The following ARHGAP5 variants were observed in gnomAD, a reference collection of about 807,000 sequenced individuals.
ARHGAP5 encodes Rho GTPase activating protein 5.
Under a neutral mutation model 116.6 loss-of-function variants are expected in ARHGAP5, and 23 were observed. The ratio of observed to expected loss-of-function variants is 0.20; its 90% CI spans 0.14 to 0.28. ARHGAP5 has a LOEUF of 0.28. Ranked by LOEUF, ARHGAP5 falls within the 10% of genes least tolerant of loss-of-function variation. The pLI is 1.00. For synonymous variants in ARHGAP5, 574 were observed against 602.0 expected, an observed-to-expected ratio of 0.95 and a Z score of 0.68; for missense variants, 1,405 against 1,774.8, an observed-to-expected ratio of 0.79 and a Z score of 3.74.
chr14:32,086,417 G>A (rs2041829883), intron 1 of ARHGAP5, among the ~76,000 whole-genome samples: 1 of 152,146 alleles, frequency 6.6e-6, no homozygotes, highest in Non-Finnish European at 1.5e-5. Context: ...AATAGACTGG[G>A]AAAAGGGAGC....
At chr14:32,129,702 C>T (rs971371236) in intron 3 of ARHGAP5, among the ~76,000 whole-genome samples, 3 of 151,964 alleles carry the variant, frequency 2.0e-5, no homozygotes, top group African/African-American at 4.8e-5. Context: ...AAATATCAAT[C>T]CCTTGTTTCT....
In ARHGAP5 at chr14:32,138,276, A is replaced by T. The variant is rs568300560; in HGVS notation, c.3866-7987A>T. Among the ~76,000 whole-genome samples, 4 of 151,614 alleles carry T rather than the reference A, an allele frequency of 2.6e-5. No homozygotes were observed. The South Asian group carries it at 8.3e-4, about 31-fold the overall frequency. ...TTTGTATTAACTTCTACTAGTTTTTATTTGTTTGTGGTTTGTTTTGTTTTT... is the reference window on the plus strand; with the variant it reads ...TTTGTATTAACTTCTACTAGTTTTTTTTTGTTTGTGGTTTGTTTTGTTTTT... On this transcript the variant is annotated intron_variant, in intron 3 of 6. Transcript: ENST00000345122.
rs45596831 is a variant in ARHGAP5 at position 32,156,633 on chromosome 14, A to T, written c.*1685A>T. 1,083 of 151,842 alleles carry T rather than the reference A, an allele frequency of 7.1e-3. 12 individuals are homozygous for T. Among genetic ancestry groups the T allele is most frequent in the Middle Eastern group, 0.01 (3 of 294 alleles). 9.4% of individuals were successfully genotyped at this position (151,842 alleles called of 1,614,324 possible). A position where few individuals can be genotyped will look rare whatever the true frequency, so the allele number is the denominator to read the frequency against. ...GAATTAAGAAAGTACAGTAATTTTT[A>T]AAAAAAAATCCGGTAAATGTAGTAT... On this transcript the variant is annotated 3_prime_UTR_variant, in exon 7 of 7. Coordinates refer to ENST00000345122, the MANE Select transcript of ARHGAP5 (RefSeq NM_001030055.2).
chr14:32,119,268 T>C (rs1879760496), intron 3 of ARHGAP5, among the ~76,000 whole-genome samples: 1 of 152,112 alleles, frequency 6.6e-6, no homozygotes, highest in South Asian at 2.1e-4. Flanking sequence ...CATAACCTTC[T>C]TATATTTAAG....
intron 2 of ARHGAP5, among the ~76,000 whole-genome samples, chr14:32,108,099 C>A (rs115645107): frequency 0.015 from 2,351 of 152,184 alleles, 63 homozygotes; most frequent in African/African-American, 0.053. Context: ...GTTTCTTATT[C>A]ATTTGATAGT....
At chr14:32,115,790 T>C (rs1186764518) in intron 2 of ARHGAP5, among the ~76,000 whole-genome samples, 5 of 135,894 alleles carry the variant, frequency 3.7e-5, no homozygotes. Flanking sequence ...GCCAACATGG[T>C]GAAACCCCAT....
In ARHGAP5 at chr14:32,159,608, T is replaced by C. The variant is rs1882027095; in HGVS notation, c.*4660T>C. 1 of 152,174 alleles carries C rather than the reference T, an allele frequency of 6.6e-6. No homozygotes were observed. Among genetic ancestry groups the C allele is most frequent in the Admixed American group, 6.5e-5 (1 of 15,272 alleles). The allele number at this position is 152,174 out of a possible 1,614,324, so 9.4% of individuals were successfully genotyped here. A position where few individuals can be genotyped will look rare whatever the true frequency, so the allele number is the denominator to read the frequency against. ...TTTGTCCTAACCATTTAATATTTTC[T>C]AGGTACTTGCTGCAAGTTCTTGAAC... On this transcript the variant is annotated 3_prime_UTR_variant, in exon 7 of 7. Coordinates refer to ENST00000345122, the MANE Select transcript of ARHGAP5 (RefSeq NM_001030055.2).
Position 32,090,657 on chromosome 14 carries a change from T to C in ARHGAP5, c.-13T>C, listed in dbSNP as rs780297182. ...GGTTACCTTTATGAATGTAGAGACA[T>C]GAGAAGAGAGTTATGATGGCAAAAA... On this transcript the variant is annotated 5_prime_UTR_variant, in exon 2 of 7. It removes an upstream start codon present in the reference 5' UTR. Coordinates refer to ENST00000345122, the MANE Select transcript of ARHGAP5 (RefSeq NM_001030055.2). 19 of 1,572,360 alleles carry C rather than the reference T, an allele frequency of 1.2e-5. No individual in the cohort carries two copies. The South Asian group carries it at 2.3e-4, about 19-fold the overall frequency.
intron 2 of ARHGAP5, among the ~76,000 whole-genome samples, chr14:32,112,097 G>A (rs549053516): frequency 2.0e-5 from 3 of 152,178 alleles, no homozygotes; most frequent in African/African-American, 4.8e-5. Flanking sequence ...GATTACAGGC[G>A]TGAGCCACCA....
chr14:32,085,697 G>T lies in ARHGAP5; in HGVS notation c.-168-4805G>T, dbSNP rs115866192. The stretch of plus-strand genomic sequence containing the variant: ...AGTTATTTGATTTAAAGAAGATAGA[G>T]CATGTAATTACAAAGTTCCCTCTGT... On this transcript the variant is annotated intron_variant, in intron 1 of 6. Transcript: ENST00000345122. Among the ~76,000 whole-genome samples the T allele has an allele frequency of 3.7e-3, 566 of 152,202 alleles. 2 individuals carry two copies. Among genetic ancestry groups the T allele is most frequent in the Middle Eastern group, 0.014 (4 of 294 alleles).
intron 2 of ARHGAP5, among the ~76,000 whole-genome samples, chr14:32,102,711 A>T (rs1878846299): frequency 6.6e-6 from 1 of 152,242 alleles, no homozygotes. Flanking sequence ...ATGGCCTAGC[A>T]CAGTACTCTG....
chr14:32,143,233 G>GTTATTATTATTATTA (rs1182495202), intron 3 of ARHGAP5, among the ~76,000 whole-genome samples: 22 of 149,318 alleles, frequency 1.5e-4, no homozygotes, highest in African/African-American at 5.3e-4. Context: ...TGTTGTTGTT[G>GTTATTATTATTATTA]TTGTTGTTAT....
chr14:32,114,704 G>A (rs1879467256), intron 2 of ARHGAP5, among the ~76,000 whole-genome samples: 1 of 152,166 alleles, frequency 6.6e-6, no homozygotes, highest in African/African-American at 2.4e-5. Flanking sequence ...AGCTCTGAGA[G>A]TTTGCTGGAT....
rs1460712048 is a variant in ARHGAP5, at chr14:32,100,869, G to T, written c.3717+6483G>T. 2.6e-5 allele frequency among the ~76,000 whole-genome samples: 4 copies of T among 152,244 alleles called. No individual in the cohort carries two copies. In the South Asian group the frequency reaches 6.2e-4, roughly 24 times the overall value. On this transcript the variant is annotated intron_variant, in intron 2 of 6. Coordinates refer to ENST00000345122, the MANE Select transcript of ARHGAP5 (RefSeq NM_001030055.2). Reference sequence around the variant, plus strand: ...GAAATTTCCTGAGAAAATCTGAGTTGTATTATTATTAATAAAATTGCCAGT... The same window carrying T: ...GAAATTTCCTGAGAAAATCTGAGTTTTATTATTATTAATAAAATTGCCAGT...
rs776390935 is a variant in ARHGAP5 at position 32,126,131 on chromosome 14, T to C, written c.3865+8844T>C. On this transcript the variant is annotated intron_variant, in intron 3 of 6. Transcript: ENST00000345122. The stretch of plus-strand genomic sequence containing the variant: ...CTTGAACTTCCAGTGCAATGTTGAA[T>C]AGCAGTTGTGAAAAGAGCACACGCT... Among the ~76,000 whole-genome samples the C allele has an allele frequency of 2.6e-5, 4 of 152,232 alleles. No individual in the cohort carries two copies. The South Asian group carries it at 6.2e-4, about 24-fold the overall frequency.
At chr14:32,105,808 A>T (rs1400034139) in intron 2 of ARHGAP5, among the ~76,000 whole-genome samples, 4 of 152,124 alleles carry the variant, frequency 2.6e-5, no homozygotes, top group Admixed American at 2.0e-4. Context: ...ACTGATAGCC[A>T]CTACTCTGTT....
Position 32,101,208 on chromosome 14 carries a change from C to T in ARHGAP5, c.3717+6822C>T, listed in dbSNP as rs74540739. ...ACTGCTCCCTTCTTATCTAAATCCA[C>T]CATCAATTAGTGTCTTAAAAGATTT... is the stretch of plus-strand genomic sequence containing the variant. On this transcript the variant is annotated intron_variant, in intron 2 of 6. Transcript: ENST00000345122. 8.9e-4 allele frequency among the ~76,000 whole-genome samples: 135 copies of T among 152,154 alleles called. No individual in the cohort carries two copies. In the East Asian group the frequency reaches 0.013, roughly 15 times the overall value.
chr14:32,082,078 G>A (rs1594336972), intron 1 of ARHGAP5, among the ~76,000 whole-genome samples: 2 of 152,156 alleles, frequency 1.3e-5, no homozygotes, highest in African/African-American at 4.8e-5. Flanking sequence ...TCGCTGCTGT[G>A]GAGGCGGAGC....
intron 2 of ARHGAP5, among the ~76,000 whole-genome samples, chr14:32,111,390 T>C (rs1159217867): frequency 6.6e-6 from 1 of 152,184 alleles, no homozygotes; most frequent in African/African-American, 2.4e-5. Context: ...GTGGTCTCTT[T>C]AGAAGTCCAG....
Sources: allele counts gnomAD v4.1 joint callset (sites outside exome capture counted in the v4.1 genomes callset), GRCh38; gene constraint gnomAD v4.1.1; transcripts MANE v1.5; gene names NCBI Gene and HGNC (gene_info 2026-07-23, HGNC 2026-07-21).